The following ZNF544 variants were observed in gnomAD, a reference collection of about 807,000 sequenced individuals.
The protein encoded by ZNF544 is zinc finger protein 544.
A neutral mutation model predicts 13.5 loss-of-function variants in ZNF544; 10 were observed. The observed-to-expected ratio is 0.74, with a 90% confidence interval of 0.46 to 1.25. The LOEUF (loss-of-function observed/expected upper bound fraction) is 1.25, where lower values mean the gene tolerates loss of function less well. Among genes scored for constraint, ZNF544 ranks in the 50% most tolerant of loss-of-function variants. ZNF544 has a pLI of 0.00. For missense variants in ZNF544, 896 were observed against 845.6 expected (o/e 1.06, Z -0.74); for synonymous variants, 323 against 300.5 (o/e 1.07, Z -0.77).
At chr19:58,231,591 G>C (rs921643641) in intron 3 of ZNF544, among the ~76,000 whole-genome samples, 2 of 152,032 alleles carry the variant, frequency 1.3e-5, no homozygotes, top group African/African-American at 4.8e-5. Context: ...TTATAAATGG[G>C]GTCTCACATG....
chr19:58,245,586 C>T (rs2045004382), intron 4 of ZNF544, among the ~76,000 whole-genome samples: 1 of 152,226 alleles, frequency 6.6e-6, no homozygotes. Context: ...AGGCGTGAGC[C>T]ACCGTGCCCG....
In ZNF544 at chr19:58,262,525, C is replaced by T. The variant is rs2049200960; in HGVS notation, c.1919C>T (p.Ala640Val). 6.2e-7 allele frequency: 1 copy of T among 1,614,070 alleles called. No individual in the cohort carries two copies. The highest frequency in any genetic ancestry group is 1.3e-5 in the African/African-American group (1 of 74,922). ...TACAAATGCAATCAGTGCAATAAAG[C>T]CTTTGCAAGGAGCTCCTACCTTGTG... The part of the protein sequence containing the change: ...KPYKCNQCNK[A>V]FARSSYLVMH... The change falls in exon 7 of 7, where the codon GCC (alanine) becomes GTC (valine). Residue 640 changes from alanine (A) to valine (V), a missense_variant. Coordinates refer to ENST00000687789, the MANE Select transcript of ZNF544 (RefSeq NM_014480.4).
intron 6 of ZNF544, 115 bp downstream of exon 6, chr19:58,246,909 T>G: frequency 1.1e-6 from 1 of 920,524 alleles, no homozygotes; most frequent in Non-Finnish European, 1.7e-6. Context: ...CCTCCTTGGG[T>G]GCTCTTTGCA....
Position 58,260,858 on chromosome 19 carries a change from A to G in ZNF544, c.252A>G (p.Lys84=). The change falls in exon 7 of 7, where the codon AAA becomes AAG. Residue 84 remains lysine, a synonymous_variant. Transcript: ENST00000687789. ...ATTTTGGATTTCTTTCAGACTGGAA[A>G]GCTACCCTTGAGGAGAATAGGTTGA... is the stretch of plus-strand genomic sequence containing the variant. ...RAEQEAPRDW[K]ATLEENRLNS... The G allele has an allele frequency of 6.3e-7, 1 of 1,585,852 alleles. No homozygotes were observed. The highest frequency in any genetic ancestry group is 8.6e-7 in the Non-Finnish European group (1 of 1,166,542).
chr19:58,258,126 C>T (rs148980733), intron 6 of ZNF544: 4,433 of 152,362 alleles, frequency 0.029, 104 homozygotes, highest in Non-Finnish European at 0.043. Flanking sequence ...AGGACAGCCC[C>T]TTTCCTCATT....
At chr19:58,276,067 C>G (rs1192094102) in intron 5 of ZNF544, among the ~76,000 whole-genome samples, 1 of 152,126 alleles carries the variant, frequency 6.6e-6, no homozygotes, top group Admixed American at 6.6e-5. Flanking sequence ...CTCCCAGCTA[C>G]TCAGGAGGCT....
At chr19:58,242,372 C>A in intron 3 of ZNF544, 3 of 761,070 alleles carry the variant, frequency 3.9e-6, no homozygotes, top group Non-Finnish European at 4.8e-6. Flanking sequence ...TGGCTTGATA[C>A]TTGATATTCC....
At chr19:58,277,357 G>A in exon 7 of ZNF544, 2 of 827,686 alleles carry the variant, frequency 2.4e-6, no homozygotes, top group African/African-American at 1.8e-5. Context: ...CCTTCAACAC[G>A]GTGTGAAGGG....
chr19:58,265,009 TGTCTCC>T (rs1157289910), downstream of ZNF544, among the ~76,000 whole-genome samples: 1 of 152,178 alleles, frequency 6.6e-6, no homozygotes, highest in African/African-American at 2.4e-5. Context: ...AGCAACACTG[TGTCTCC>T]AAAAACAACA....
chr19:58,252,821 TATTATC>T (rs1407716056), intron 6 of ZNF544, among the ~76,000 whole-genome samples: 5 of 152,214 alleles, frequency 3.3e-5, no homozygotes, highest in African/African-American at 1.2e-4. Flanking sequence ...TTTATTTACT[TATTATC>T]ATTATGTTTT....
chr19:58,243,417 A>C lies in ZNF544; in HGVS notation c.-59-548A>C, dbSNP rs1284722832. On this transcript the variant is annotated intron_variant, in intron 3 of 6. Coordinates refer to ENST00000687789, the MANE Select transcript of ZNF544 (RefSeq NM_014480.4). ...ACTGCTGCAAGGGGATTAGACAAGC[A>C]GAAGATATGAAGGGTTTGGTGACTG... Among the ~76,000 whole-genome samples the C allele has an allele frequency of 2.0e-5, 3 of 151,552 alleles. No homozygotes were observed. In the East Asian group the frequency reaches 5.9e-4, roughly 30 times the overall value.
chr19:58,244,540 G>C (rs971939226), intron 4 of ZNF544, among the ~76,000 whole-genome samples: 1 of 152,016 alleles, frequency 6.6e-6, no homozygotes, highest in African/African-American at 2.4e-5. Context: ...TGAGGAGAGA[G>C]AGTGAGAGCA....
At chr19:58,263,649 G>A, downstream of ZNF544, 2 of 917,194 alleles carry the variant, frequency 2.2e-6, no homozygotes, top group Middle Eastern at 1.1e-3. Flanking sequence ...GTAAAATCCA[G>A]GAGTCTGCAG....
chr19:58,254,058 A>G (rs1042624605), intron 6 of ZNF544, among the ~76,000 whole-genome samples: 3 of 152,248 alleles, frequency 2.0e-5, no homozygotes, highest in Non-Finnish European at 2.9e-5. Context: ...CCCCATCTCT[A>G]CTAAAAATAC....
intron 6 of ZNF544, among the ~76,000 whole-genome samples, chr19:58,256,429 T>G (rs886500211): frequency 2.6e-5 from 4 of 152,096 alleles, no homozygotes; most frequent in African/African-American, 9.7e-5. Context: ...GGGGCTTGAT[T>G]AACTTTTATA....
chr19:58,237,804 G>C (rs551850484), intron 3 of ZNF544, among the ~76,000 whole-genome samples: 131 of 152,362 alleles, frequency 8.6e-4, no homozygotes, highest in African/African-American at 3.0e-3. Context: ...ATGGAGGCAG[G>C]GCCTGGGGAG....
intron 5 of ZNF544, among the ~76,000 whole-genome samples, chr19:58,273,604 C>G (rs370280618): frequency 4.0e-5 from 6 of 150,604 alleles, no homozygotes; most frequent in South Asian, 2.1e-4. Flanking sequence ...GCAGGAGAAT[C>G]GCTTGAACCC....
In ZNF544 at chr19:58,244,059, G is replaced by A. The variant is rs762219759; in HGVS notation, c.33+3G>A. The A allele has an allele frequency of 5.6e-6, 9 of 1,606,830 alleles. No individual in the cohort carries two copies. The Admixed American group carries it at 1.2e-4, about 21-fold the overall frequency. On this transcript the variant is annotated splice_donor_region_variant and intron_variant, in intron 4 of 6. Transcript: ENST00000687789. ...GTTCTATGCTGGTTCCACCCCAGGT[G>A]AGTGGGGGGTCTTTGCTCTCAGTGC...
In ZNF544 at chr19:58,262,084, A is replaced by C; in HGVS notation, c.1478A>C (p.Lys493Thr). The C allele has an allele frequency of 6.2e-7, 1 of 1,609,866 alleles. No homozygotes were observed. The change falls in exon 7 of 7, where the codon AAA (lysine) becomes ACA (threonine). Residue 493 changes from lysine (K) to threonine (T), a missense_variant. Physicochemically the swap from Lys to Thr is moderately conservative, Grantham distance 78 (BLOSUM62 -1). Coordinates refer to ENST00000687789, the MANE Select transcript of ZNF544 (RefSeq NM_014480.4). ...KRTHTGEKPF[K>T]CTQCGKSFSQ... ...ACGCACACTGGAGAAAAACCCTTCA[A>C]ATGTACTCAGTGTGGGAAATCTTTC...
Sources: gnomAD v4.1 joint callset for allele counts (sites outside exome capture counted in the v4.1 genomes callset) on GRCh38, gnomAD v4.1.1 for gene constraint, MANE v1.5 for transcripts, NCBI Gene and HGNC (gene_info 2026-07-23, HGNC 2026-07-21) for gene names.